Variants in ZMIZ2 observed in about 807,000 individuals in gnomAD.
ZMIZ2 encodes zinc finger MIZ-type containing 2, also known as zinc finger MIZ domain-containing protein 2.
A neutral mutation model predicts 93.9 loss-of-function variants in ZMIZ2; 26 were observed. The observed-to-expected ratio is 0.28, with a 90% CI of 0.20 to 0.38. The LOEUF (loss-of-function observed/expected upper bound fraction) is 0.38. ZMIZ2 is among the 10% of genes least tolerant of loss of function. The pLI is 1.00. For missense variants in ZMIZ2, 1,023 were observed against 1,235.0 expected (o/e 0.83, Z 2.57); for synonymous variants, 485 against 516.4 (o/e 0.94, Z 0.82).
At chr7:44,751,084 A>G (rs1396020659) in intron 1 of ZMIZ2, 2 of 152,248 alleles carry the variant, frequency 1.3e-5, no homozygotes, top group Non-Finnish European at 2.9e-5. Context: ...CCCCCTGTGC[A>G]GTGAAGAGTA....
chr7:44,754,673 G>A (rs550376858), intron 1 of ZMIZ2, among the ~76,000 whole-genome samples: 9 of 152,300 alleles, frequency 5.9e-5, no homozygotes, highest in Non-Finnish European at 1.2e-4. Flanking sequence ...ATGAATGCGG[G>A]GCCACCCTCT....
chr7:44,760,691 A>G (rs1166963627), intron 9 of ZMIZ2, 98 bp downstream of exon 9: 4 of 1,446,744 alleles, frequency 2.8e-6, no homozygotes, highest in East Asian at 2.3e-5. Context: ...CTTGGGGGAC[A>G]GGGGATGGCT....
chr7:44,756,464 A>G lies in ZMIZ2; in HGVS notation c.90A>G (p.Gln30=), dbSNP rs1423537621. Residue 30 remains glutamine, a synonymous_variant, in exon 3 of 19, where the codon CAA becomes CAG. Transcript: ENST00000309315. ...SFAYESVPWQ[Q]SATQPAGSLS... Reference sequence around the variant, plus strand: ...CATATGAGTCTGTGCCTTGGCAACAAAGCGCCACTCAGCCGGCTGGATCGC... The same window carrying G: ...CATATGAGTCTGTGCCTTGGCAACAGAGCGCCACTCAGCCGGCTGGATCGC... The G allele has an allele frequency of 6.2e-7, 1 of 1,614,054 alleles. No individual in the cohort carries two copies. Among genetic ancestry groups the G allele is most frequent in the Non-Finnish European group, 8.5e-7 (1 of 1,180,012 alleles).
intron 1 of ZMIZ2, chr7:44,749,940 G>C (rs1789994739): frequency 6.6e-6 from 1 of 152,344 alleles, no homozygotes; most frequent in African/African-American, 2.4e-5. Context: ...TTGATGCTTA[G>C]TGTGGAAACA....
Position 44,761,726 on chromosome 7 carries a change from C to T in ZMIZ2, c.1417C>T (p.His473Tyr). ...CCTGGAGCTGCAATTCAAGTGCTAC[C>T]ACCACGAGGACCGGCAGATGAACAC... ...PDLELQFKCY[H>Y]HEDRQMNTNW... The change falls in exon 11 of 19, where the codon CAC becomes TAC. Residue 473 changes from histidine to tyrosine, a missense_variant. By Grantham distance (83) the His-to-Tyr change is moderately conservative. This residue lies in a region of ZMIZ2 where 656 missense variants were observed against 777.1 expected (regional missense o/e 0.84). Coordinates refer to ENST00000309315, the MANE Select transcript of ZMIZ2 (RefSeq NM_031449.4). The surrounding 1 kb of genome is among the most constrained non-coding windows in gnomAD (Gnocchi z 5.8). The T allele has an allele frequency of 4.3e-6, 7 of 1,614,092 alleles. No homozygotes were observed. Among genetic ancestry groups the T allele is most frequent in the Non-Finnish European group, 5.9e-6 (7 of 1,180,026 alleles).
In ZMIZ2 at chr7:44,767,879, A is replaced by C. The variant is rs1791875153; in HGVS notation, c.*256A>C. On this transcript the variant is annotated 3_prime_UTR_variant, in exon 19 of 19. Transcript: ENST00000309315. The stretch of plus-strand genomic sequence containing the variant: ...TGCTGCTGCAGAACGGTTTTTGCTG[A>C]GGTGCCCCTGCCCAGCCCTGTCCAG... 2 of 552,356 alleles carry C rather than the reference A, an allele frequency of 3.6e-6. No individual in the cohort carries two copies. The allele number at this position is 552,356 out of a possible 1,614,324, so 34.2% of individuals were successfully genotyped here. A position where few individuals can be genotyped will look rare whatever the true frequency, so the allele number is the denominator to read the frequency against.
rs1791927854 is a variant in ZMIZ2 at position 44,768,549 on chromosome 7, C to T, written c.*926C>T. The T allele has an allele frequency of 6.6e-6, 1 of 152,340 alleles. No individual in the cohort carries two copies. The highest frequency in any genetic ancestry group is 1.5e-5 in the Non-Finnish European group (1 of 68,118). 9.4% of individuals were successfully genotyped at this position (152,340 alleles called of 1,614,324 possible). ...GTTTTTTAAAGCCACCTCTCTGTCT[C>T]CACCCCATGGGCCCACACCCAGGTG... On this transcript the variant is annotated 3_prime_UTR_variant, in exon 19 of 19. Coordinates refer to ENST00000309315, the MANE Select transcript of ZMIZ2 (RefSeq NM_031449.4).
At position 44,765,943 on chromosome 7, in the gene ZMIZ2, A is replaced by AATGATCCGGCG; in HGVS notation, c.2243-220_2243-219insTGATCCGGCGA. ...TGTTTGTGGCTGCTCCCATTCCTAT[A>AATGATCCGGCG]ACCTCCGAGACCTTCACTCCTAGGA... is the stretch of plus-strand genomic sequence containing the variant. On this transcript the variant is annotated intron_variant, in intron 16 of 18. Transcript: ENST00000309315. The surrounding 1 kb of genome is among the most constrained non-coding windows in gnomAD (Gnocchi z 4.1). 2 of 1,351,050 alleles carry AATGATCCGGCG rather than the reference A, an allele frequency of 1.5e-6. No individual in the cohort carries two copies. The highest frequency in any genetic ancestry group is 1.5e-5 in the African/African-American group (1 of 66,336). The allele number at this position is 1,351,050 out of a possible 1,614,324, so 83.7% of individuals were successfully genotyped here. A position where few individuals can be genotyped will look rare whatever the true frequency, so the allele number is the denominator to read the frequency against.
rs1791869718 is a variant in ZMIZ2 at position 44,767,821 on chromosome 7, C to T, written c.*198C>T. 3 of 605,236 alleles carry T rather than the reference C, an allele frequency of 5.0e-6. No homozygotes were observed. Among genetic ancestry groups the T allele is most frequent in the Non-Finnish European group, 5.9e-6 (2 of 341,702 alleles). 37.5% of individuals were successfully genotyped at this position (605,236 alleles called of 1,614,324 possible). On this transcript the variant is annotated 3_prime_UTR_variant, in exon 19 of 19. Coordinates refer to ENST00000309315, the MANE Select transcript of ZMIZ2 (RefSeq NM_031449.4). ...GTGCTCGATGGGAGGGGCTCCCAGGCCGGCAGCCCTTGCCACCTCCCTCTG... is the reference window on the plus strand; with the variant it reads ...GTGCTCGATGGGAGGGGCTCCCAGGTCGGCAGCCCTTGCCACCTCCCTCTG...
In ZMIZ2 at chr7:44,766,526, C is replaced by T; in HGVS notation, c.2518C>T (p.Pro840Ser). The T allele has an allele frequency of 6.2e-7, 1 of 1,614,108 alleles. No homozygotes were observed. The highest frequency in any genetic ancestry group is 8.5e-7 in the Non-Finnish European group (1 of 1,180,036). ...AGGTCCCCAGCTGCACCATTCAAAC[C>T]CTCCCCCAGCGTCCCGGCAGTCCTT... ...PPGPQLHHSN[P>S]PPASRQSLGQ... The change falls in exon 18 of 19, where the codon CCT (proline) becomes TCT (serine). Residue 840 changes from proline to serine, a missense_variant. Pro to Ser is a moderately conservative substitution (Grantham distance 74, BLOSUM62 -1). Transcript: ENST00000309315. The surrounding 1 kb of genome is among the most constrained non-coding windows in gnomAD (Gnocchi z 4.4).
Position 44,769,057 on chromosome 7 carries a change from CCTT to C in ZMIZ2, c.*1437_*1439del, listed in dbSNP as rs1167958870. The C allele has an allele frequency of 6.5e-6, 1 of 152,752 alleles. No individual in the cohort carries two copies. Among genetic ancestry groups the C allele is most frequent in the African/African-American group, 2.4e-5 (1 of 41,464 alleles). 9.5% of individuals were successfully genotyped at this position (152,752 alleles called of 1,614,324 possible). A position where few individuals can be genotyped will look rare whatever the true frequency, so the allele number is the denominator to read the frequency against. The stretch of plus-strand genomic sequence containing the variant: ...AGCCCCAGCCCAGCCAGGGGCTCAT[CCTT>C]CTCAGCTCTTGTCCCTGGGAGGCCT... On this transcript the variant is annotated 3_prime_UTR_variant, in exon 19 of 19. Transcript: ENST00000309315.
At chr7:44,760,978 G>A (rs1247038580) in intron 9 of ZMIZ2, among the ~76,000 whole-genome samples, 1 of 152,026 alleles carries the variant, frequency 6.6e-6, no homozygotes, top group Non-Finnish European at 1.5e-5. Flanking sequence ...TCTCCCCTGT[G>A]CACAAAATGT....
At chr7:44,754,133 G>A (rs1190432475) in intron 1 of ZMIZ2, among the ~76,000 whole-genome samples, 1 of 152,188 alleles carries the variant, frequency 6.6e-6, no homozygotes, top group Admixed American at 6.5e-5. Context: ...CAGCAGTTCT[G>A]GGGAGGAGTT....
chr7:44,766,576 G>A lies in ZMIZ2; in HGVS notation c.2568G>A (p.Thr856=), dbSNP rs367786546. The A allele has an allele frequency of 2.5e-5, 40 of 1,613,618 alleles. No individual in the cohort carries two copies. The highest frequency in any genetic ancestry group is 1.3e-4 in the African/African-American group (10 of 74,944). Residue 856 remains threonine, a synonymous_variant, in exon 18 of 19, where the codon ACG becomes ACA. Transcript: ENST00000309315. The surrounding 1 kb of genome is among the most constrained non-coding windows in gnomAD (Gnocchi z 4.4). ...QSLGQASLGP[T]GELAFSPATG... ...TGGGCCAAGCGAGCTTAGGACCTACGGGTGAACTGGCCTTCAGTCCTGCCA... is the reference window on the plus strand; with the variant it reads ...TGGGCCAAGCGAGCTTAGGACCTACAGGTGAACTGGCCTTCAGTCCTGCCA...
intron 7 of ZMIZ2, 48 bp from the exon 8 acceptor site, chr7:44,760,103 C>G: frequency 6.2e-7 from 1 of 1,609,248 alleles, no homozygotes; most frequent in Non-Finnish European, 8.5e-7. Flanking sequence ...GGGGGCCCGG[C>G]AGGGGTCAGG....
In ZMIZ2 at chr7:44,769,445, C is replaced by T. The variant is rs1451650273; in HGVS notation, c.*1822C>T. The T allele has an allele frequency of 6.5e-6, 1 of 152,796 alleles. No individual in the cohort carries two copies. The highest frequency in any genetic ancestry group is 2.4e-5 in the African/African-American group (1 of 41,472). The allele number at this position is 152,796 out of a possible 1,614,324, so 9.5% of individuals were successfully genotyped here. A position where few individuals can be genotyped will look rare whatever the true frequency, so the allele number is the denominator to read the frequency against. ...GCTTCCTTATTCCCTGACAAAGCCT[C>T]TGTTTCCAGCTCTTCCGCCCTCTCT... On this transcript the variant is annotated 3_prime_UTR_variant, in exon 19 of 19. Transcript: ENST00000309315.
chr7:44,762,794 G>T, intron 11 of ZMIZ2, 87 bp from the exon 12 acceptor site: 1 of 973,436 alleles, frequency 1.0e-6, no homozygotes, highest in South Asian at 3.4e-5. Flanking sequence ...GGCAGCCCCT[G>T]ACACACAACC....
rs573572839 is a variant in ZMIZ2, at chr7:44,765,615, C to T, written c.2242+36C>T. On this transcript the variant is annotated intron_variant, in intron 16 of 18. Coordinates refer to ENST00000309315, the MANE Select transcript of ZMIZ2 (RefSeq NM_031449.4). The surrounding 1 kb of genome is among the most constrained non-coding windows in gnomAD (Gnocchi z 4.1). ...CAGGCTAGCCTTGAACCTCAGATGACCCTGGGCATATGGCTCCTCTCCCCA... is the reference window on the plus strand; with the variant it reads ...CAGGCTAGCCTTGAACCTCAGATGATCCTGGGCATATGGCTCCTCTCCCCA... 3 of 1,575,394 alleles carry T rather than the reference C, an allele frequency of 1.9e-6. No homozygotes were observed. Among genetic ancestry groups the T allele is most frequent in the African/African-American group, 2.7e-5 (2 of 73,986 alleles).
Position 44,754,199 on chromosome 7 carries a change from A to G in ZMIZ2, c.-62-1989A>G, listed in dbSNP as rs578184981. 2.6e-5 allele frequency among the ~76,000 whole-genome samples: 4 copies of G among 152,256 alleles called. No homozygotes were observed. In the South Asian group the frequency reaches 8.3e-4, roughly 32 times the overall value. On this transcript the variant is annotated intron_variant, in intron 1 of 18. Transcript: ENST00000309315. ...AACATCACTATTCCTGAGTCAGGCT[A>G]TGGGACTGGGATTGCCACCCCTACC...
Sources: allele counts gnomAD v4.1 joint callset (sites outside exome capture counted in the v4.1 genomes callset), GRCh38; gene constraint gnomAD v4.1.1; regional missense constraint gnomAD v4.1.1; non-coding constraint Gnocchi (gnomAD v3.1); transcripts MANE v1.5; gene names NCBI Gene and HGNC (gene_info 2026-07-23, HGNC 2026-07-21).